The following LRFN5 variants were observed in gnomAD, a reference collection of about 807,000 sequenced individuals.
LRFN5 encodes leucine rich repeat and fibronectin type III domain containing 5, also known as leucine-rich repeat and fibronectin type-III domain-containing protein 5.
A neutral mutation model predicts 45.6 loss-of-function variants in LRFN5; 24 were observed. That is an observed-to-expected ratio of 0.53 (90% CI 0.38 to 0.74). LRFN5 has a LOEUF of 0.74. LRFN5 is among the 30% of genes least tolerant of loss of function. LRFN5 has a pLI of 0.00. For synonymous variants in LRFN5, 340 were observed against 313.8 expected (o/e 1.08, Z -0.88); for missense variants, 776 against 861.5 (o/e 0.90, Z 1.24).
chr14:41,807,868 T>C (rs1404333467), intron 2 of LRFN5, among the ~76,000 whole-genome samples: 1 of 151,982 alleles, frequency 6.6e-6, no homozygotes, highest in Non-Finnish European at 1.5e-5. Context: ...ATATTGGAAA[T>C]GTAAAAAATA....
At chr14:41,770,141 C>A (rs1886028537) in intron 2 of LRFN5, among the ~76,000 whole-genome samples, 1 of 152,088 alleles carries the variant, frequency 6.6e-6, no homozygotes, top group Non-Finnish European at 1.5e-5. Flanking sequence ...AACTAACTGA[C>A]CAGGAATTTA....
intron 1 of LRFN5, among the ~76,000 whole-genome samples, chr14:41,687,649 A>C (rs1242178236): frequency 4.6e-5 from 7 of 152,252 alleles, no homozygotes; most frequent in Admixed American, 4.6e-4. Context: ...ATGGAATACT[A>C]TGCAGCCATA....
At chr14:41,827,706 T>C (rs551627498) in intron 2 of LRFN5, among the ~76,000 whole-genome samples, 113 of 152,156 alleles carry the variant, frequency 7.4e-4, no homozygotes, top group African/African-American at 2.6e-3. Flanking sequence ...TTAATTATAT[T>C]TGAATAAGAT....
chr14:41,611,282 A>ACCTTGTG (rs2138537477), intron 1 of LRFN5, among the ~76,000 whole-genome samples: 1 of 152,348 alleles, frequency 6.6e-6, no homozygotes, highest in African/African-American at 2.4e-5. Context: ...GGTTACATGC[A>ACCTTGTG]CAGAAGTTCC....
chr14:41,753,033 CA>C (rs1318106653), intron 1 of LRFN5, among the ~76,000 whole-genome samples: 2 of 152,282 alleles, frequency 1.3e-5, no homozygotes, highest in East Asian at 3.9e-4. Flanking sequence ...AACCTTCCCC[CA>C]TTTCTTGTTT....
chr14:41,710,658 T>C (rs1366489353), intron 1 of LRFN5, among the ~76,000 whole-genome samples: 1 of 152,162 alleles, frequency 6.6e-6, no homozygotes, highest in Non-Finnish European at 1.5e-5. Flanking sequence ...CTAGGGTACA[T>C]GTGCACAACA....
intron 1 of LRFN5, among the ~76,000 whole-genome samples, chr14:41,738,642 A>G (rs1455279737): frequency 6.6e-6 from 1 of 152,146 alleles, no homozygotes; most frequent in Non-Finnish European, 1.5e-5. Flanking sequence ...ATCCAGTGAC[A>G]GTCTTTTCAA....
chr14:41,742,932 C>A, intron 1 of LRFN5: 1 of 155,386 alleles, frequency 6.4e-6, no homozygotes, highest in Non-Finnish European at 1.4e-5. Flanking sequence ...CAGTGCTATC[C>A]TATCTTTGAC....
At chr14:41,802,586 T>C (rs550680606) in intron 2 of LRFN5, among the ~76,000 whole-genome samples, 1 of 152,266 alleles carries the variant, frequency 6.6e-6, no homozygotes, top group African/African-American at 2.4e-5. Flanking sequence ...GGAAAGTCTG[T>C]CACCATAGAA....
intron 1 of LRFN5, among the ~76,000 whole-genome samples, chr14:41,734,344 A>ATATATATATATATATATATATATTTTTT (rs1428416141): frequency 9.4e-6 from 1 of 105,982 alleles, no homozygotes; most frequent in Admixed American, 1.0e-4. Flanking sequence ...ATATATATAT[A>ATATATATATATATATATATATATTTTTT]TTTAAATTTG....
At chr14:41,774,357 A>C (rs1456498565) in intron 2 of LRFN5, among the ~76,000 whole-genome samples, 1 of 152,226 alleles carries the variant, frequency 6.6e-6, no homozygotes, top group Non-Finnish European at 1.5e-5. Context: ...ATTTCTGTGT[A>C]AACTGAGGCA....
intron 1 of LRFN5, among the ~76,000 whole-genome samples, chr14:41,744,773 A>T (rs1447925522): frequency 6.6e-6 from 1 of 152,188 alleles, no homozygotes; most frequent in African/African-American, 2.4e-5. Flanking sequence ...TAAACTTTAA[A>T]TTTATAAAGC....
chr14:41,891,162 A>G, intron 3 of LRFN5, 88 bp from the exon 4 acceptor site: 1 of 983,406 alleles, frequency 1.0e-6, no homozygotes. Context: ...AATGATACTG[A>G]AATGACACTG....
chr14:41,758,128 G>GT (rs1220077721), intron 1 of LRFN5, among the ~76,000 whole-genome samples: 2 of 152,004 alleles, frequency 1.3e-5, no homozygotes, highest in Non-Finnish European at 2.9e-5. Flanking sequence ...AATTTCCAAG[G>GT]TTTTTCCAAC....
Position 41,891,885 on chromosome 14 carries a change from C to T in LRFN5, c.2021C>T (p.Thr674Ile), listed in dbSNP as rs1253264037. The T allele has an allele frequency of 6.2e-7, 1 of 1,614,080 alleles. No homozygotes were observed. The highest frequency in any genetic ancestry group is 1.3e-5 in the African/African-American group (1 of 74,926). Residue 674 changes from threonine (T) to isoleucine (I), a missense_variant, in exon 4 of 6, where the codon ACT becomes ATT. Thr to Ile is a moderately conservative substitution (Grantham distance 89). Around this residue, in one of 2 missense-constraint regions of LRFN5, gnomAD observed 465 missense variants for 456.4 expected, o/e 1.02. Transcript: ENST00000298119. ...ESQNTNRNNS[T>I]ALQLASRPPD... The stretch of plus-strand genomic sequence containing the variant: ...CAAAACACTAACAGGAACAACTCAA[C>T]TGCCTTGCAGTTAGCTAGCCGTCCT...
intron 2 of LRFN5, among the ~76,000 whole-genome samples, chr14:41,825,807 T>C (rs941927789): frequency 6.6e-6 from 1 of 152,106 alleles, no homozygotes; most frequent in African/African-American, 2.4e-5. Context: ...CAAGAAGCTC[T>C]CAAATCGCCA....
chr14:41,885,497 G>GATAA (rs1890536553), intron 2 of LRFN5, among the ~76,000 whole-genome samples: 1 of 151,902 alleles, frequency 6.6e-6, no homozygotes, highest in Non-Finnish European at 1.5e-5. Context: ...ATAAAATTTG[G>GATAA]ATAAATATAC....
At chr14:41,825,208 T>C (rs1888252259) in intron 2 of LRFN5, among the ~76,000 whole-genome samples, 1 of 152,162 alleles carries the variant, frequency 6.6e-6, no homozygotes, top group Non-Finnish European at 1.5e-5. Context: ...GTGGGTCCTG[T>C]CACCCTTAAT....
intron 1 of LRFN5, among the ~76,000 whole-genome samples, chr14:41,690,007 A>C (rs940253722): frequency 7.9e-5 from 12 of 152,072 alleles, no homozygotes; most frequent in Non-Finnish European, 1.5e-4. Context: ...ACTTTTTACA[A>C]ACTCTCTTTT....
Sources: allele counts gnomAD v4.1 joint callset (sites outside exome capture counted in the v4.1 genomes callset), GRCh38; gene constraint gnomAD v4.1.1; regional missense constraint gnomAD v4.1.1; transcripts MANE v1.5; gene names NCBI Gene and HGNC (gene_info 2026-07-23, HGNC 2026-07-21).